Variants in SLC44A5 observed in about 807,000 individuals in gnomAD.
SLC44A5 encodes solute carrier family 44 member 5, also known as choline transporter-like protein 5.
Under a neutral mutation model 101.8 loss-of-function variants are expected in SLC44A5, and 57 were observed. That is an observed-to-expected ratio of 0.56 (90% CI 0.45 to 0.70). The LOEUF (loss-of-function observed/expected upper bound fraction) is 0.70. Ranked by LOEUF, SLC44A5 falls within the 30% of genes least tolerant of loss-of-function variation. SLC44A5 has a pLI of 0.00. For missense variants in SLC44A5, 737 were observed against 853.1 expected, an observed-to-expected ratio of 0.86 and a Z score of 1.70; for synonymous variants, 281 against 290.9, an observed-to-expected ratio of 0.97 and a Z score of 0.35.
intron 12 of SLC44A5, 48 bp from the exon 13 acceptor site, chr1:75,227,905 A>C: frequency 6.8e-7 from 1 of 1,479,912 alleles, no homozygotes; most frequent in Non-Finnish European, 9.1e-7. Flanking sequence ...GATTTTCTGA[A>C]ATAGGAGCTA....
chr1:75,386,747 G>A (rs866988464), intron 3 of SLC44A5, among the ~76,000 whole-genome samples: 29 of 150,684 alleles, frequency 1.9e-4, no homozygotes, highest in East Asian at 1.2e-3. Context: ...AGCCCGCATC[G>A]CCAAGGCAAT....
chr1:75,677,645 T>G, the SLC44A5 span: 42 of 385,782 alleles, frequency 1.1e-4, no homozygotes, highest in African/African-American at 8.1e-4. Flanking sequence ...CAATAATAAC[T>G]GAAAGTGGAA....
chr1:75,657,535 A>T, the SLC44A5 span, among the ~76,000 whole-genome samples: 2 of 149,438 alleles, frequency 1.3e-5, no homozygotes, highest in East Asian at 4.2e-4. Context: ...GTGACTGAGC[A>T]AGACTCTTTC....
At chr1:75,255,790 C>CAATA (rs1649969060) in intron 6 of SLC44A5, among the ~76,000 whole-genome samples, 1 of 152,086 alleles carries the variant, frequency 6.6e-6, no homozygotes, top group South Asian at 2.1e-4. Context: ...AAATACTTAT[C>CAATA]ATGATGTATG....
chr1:75,621,744 CA>C, the SLC44A5 span, among the ~76,000 whole-genome samples: 10 of 151,958 alleles, frequency 6.6e-5, no homozygotes, highest in Middle Eastern at 3.2e-3. Context: ...TTTTTACACA[CA>C]AAAAAATCAT....
At position 75,567,215 on chromosome 1, in the gene SLC44A5, T is replaced by A. The variant is rs189869701; in HGVS notation, c.-69-25699A>T. ...CTCAGGGATAACTTTTTGCACTTTT[T>A]CCAAAACTAAATCTGAAACAGAAAA... is the stretch of plus-strand genomic sequence containing the variant. On this transcript the variant is annotated intron_variant, in intron 1 of 23. Transcript: ENST00000370859. 3.3e-5 allele frequency among the ~76,000 whole-genome samples: 5 copies of A among 151,910 alleles called. No individual in the cohort carries two copies. In the East Asian group the frequency reaches 9.7e-4, roughly 29 times the overall value.
chr1:75,543,361 A>C (rs575148439), intron 1 of SLC44A5, among the ~76,000 whole-genome samples: 2 of 152,036 alleles, frequency 1.3e-5, no homozygotes, highest in South Asian at 4.2e-4. Flanking sequence ...ATCAAGTGGA[A>C]AGCTTGTGTG....
the SLC44A5 span, among the ~76,000 whole-genome samples, chr1:75,680,524 T>A: frequency 6.7e-6 from 1 of 148,854 alleles, no homozygotes; most frequent in Non-Finnish European, 1.5e-5. Context: ...GGGTACATAA[T>A]GAAATGAAGG....
chr1:75,644,168 G>A, the SLC44A5 span, among the ~76,000 whole-genome samples: 2 of 152,050 alleles, frequency 1.3e-5, no homozygotes, highest in African/African-American at 4.8e-5. Context: ...TCTATCAAGG[G>A]AACTGGTAAA....
At chr1:75,499,368 A>G (rs774039207) in intron 2 of SLC44A5, among the ~76,000 whole-genome samples, 8 of 152,220 alleles carry the variant, frequency 5.3e-5, no homozygotes, top group Non-Finnish European at 7.3e-5. Flanking sequence ...TTGTGCTCCT[A>G]TGAGAATCTA....
chr1:75,464,100 T>C (rs1175350107), intron 2 of SLC44A5, among the ~76,000 whole-genome samples: 2 of 151,496 alleles, frequency 1.3e-5, no homozygotes, highest in Non-Finnish European at 2.9e-5. Context: ...CATGCACCTG[T>C]AGTCCTAGCT....
At chr1:75,537,034 A>ATATATATG (rs1553199991) in intron 2 of SLC44A5, among the ~76,000 whole-genome samples, 13 of 18,656 alleles carry the variant, frequency 7.0e-4, no homozygotes, top group African/African-American at 1.3e-3. Flanking sequence ...AAAAAAAAAA[A>ATATATATG]TATATATCTA....
chr1:75,486,864 T>C (rs1668179433), intron 2 of SLC44A5, among the ~76,000 whole-genome samples: 1 of 152,344 alleles, frequency 6.6e-6, no homozygotes, highest in Middle Eastern at 3.4e-3. Context: ...TTCAATAACA[T>C]TCATAGAGAG....
intron 1 of SLC44A5, among the ~76,000 whole-genome samples, chr1:75,597,849 G>A (rs1397959123): frequency 2.6e-5 from 4 of 152,122 alleles, no homozygotes; most frequent in Admixed American, 6.6e-5. Context: ...GAAAGACAAT[G>A]AGGGCATTAC....
At chr1:75,438,305 C>A (rs1161618612) in intron 2 of SLC44A5, among the ~76,000 whole-genome samples, 1 of 152,090 alleles carries the variant, frequency 6.6e-6, no homozygotes, top group Admixed American at 6.6e-5. Flanking sequence ...GGTTTTCAGA[C>A]AGAATGACGG....
At chr1:75,393,155 C>T (rs1289706799) in intron 3 of SLC44A5, among the ~76,000 whole-genome samples, 2 of 152,086 alleles carry the variant, frequency 1.3e-5, no homozygotes, top group East Asian at 3.9e-4. Context: ...CCCTCTGAAT[C>T]TAAAATAAAA....
intron 2 of SLC44A5, among the ~76,000 whole-genome samples, chr1:75,504,316 TG>T (rs34620790): frequency 4.8e-4 from 73 of 152,232 alleles, no homozygotes; most frequent in Admixed American, 2.1e-3. Flanking sequence ...TGGTAGTAAT[TG>T]GGAAGGGGCA....
In SLC44A5 at chr1:75,251,189, G is replaced by A. The variant is rs753646050; in HGVS notation, c.345+21C>T. 17 of 1,576,478 alleles carry A rather than the reference G, an allele frequency of 1.1e-5. No homozygotes were observed. In the East Asian group the frequency reaches 3.8e-4, roughly 35 times the overall value. On this transcript the variant is annotated intron_variant, in intron 7 of 23. Transcript: ENST00000370859. Reference sequence around the variant, plus strand: ...ATGTTCAGAACGGCTGACACTACCAGTGAGGCACCTTTTGCCTTACCTGTG... The same window carrying A: ...ATGTTCAGAACGGCTGACACTACCAATGAGGCACCTTTTGCCTTACCTGTG...
At chr1:75,406,091 C>A (rs1449675665) in intron 2 of SLC44A5, among the ~76,000 whole-genome samples, 1 of 152,116 alleles carries the variant, frequency 6.6e-6, no homozygotes, top group African/African-American at 2.4e-5. Context: ...CACCTCTACA[C>A]AAATAAACTA....
Sources: allele counts gnomAD v4.1 joint callset (sites outside exome capture counted in the v4.1 genomes callset), GRCh38; gene constraint gnomAD v4.1.1; transcripts MANE v1.5; gene names NCBI Gene and HGNC (gene_info 2026-07-23, HGNC 2026-07-21).